Variants in GREM2 observed in about 807,000 individuals in gnomAD.
GREM2 encodes gremlin-2.
Under a neutral mutation model 14.2 loss-of-function variants are expected in GREM2, and 11 were observed. The observed-to-expected ratio is 0.78, with a 90% CI of 0.49 to 1.28. The LOEUF is 1.28. Among genes scored for constraint, GREM2 ranks in the 50% most tolerant of loss-of-function variants. GREM2 has a pLI of 0.00. For synonymous variants in GREM2, 98 were observed against 97.6 expected (o/e 1.00, Z -0.02); for missense variants, 210 against 218.5 (o/e 0.96, Z 0.24).
At chr1:240,529,948 G>A (rs546917345) in intron 1 of GREM2, among the ~76,000 whole-genome samples, 1 of 152,062 alleles carries the variant, frequency 6.6e-6, no homozygotes, top group Non-Finnish European at 1.5e-5. Context: ...TTGGGACACC[G>A]GTTATCCTGA....
chr1:240,526,958 T>C (rs1379091621), intron 1 of GREM2, among the ~76,000 whole-genome samples: 3 of 152,182 alleles, frequency 2.0e-5, no homozygotes, highest in Non-Finnish European at 4.4e-5. Flanking sequence ...TTAACCCTAT[T>C]AGCTGATGTT....
chr1:240,593,612 T>C (rs1022207296), intron 1 of GREM2, among the ~76,000 whole-genome samples: 1 of 152,218 alleles, frequency 6.6e-6, no homozygotes, highest in Non-Finnish European at 1.5e-5. Context: ...AGTTGGTTAG[T>C]ACCATTACTG....
intron 1 of GREM2, among the ~76,000 whole-genome samples, chr1:240,518,015 G>A (rs535716320): frequency 2.2e-4 from 33 of 152,260 alleles, no homozygotes; most frequent in African/African-American, 7.2e-4. Context: ...TAGACCCACT[G>A]CCTAATCCCC....
rs1421802195 is a variant in GREM2, at chr1:240,491,602, G to A, written c.*1367C>T. On this transcript the variant is annotated 3_prime_UTR_variant, in exon 2 of 2. Transcript: ENST00000318160. The stretch of plus-strand genomic sequence containing the variant: ...CCTTTTGAAGTCTATTCTTTGAAAA[G>A]GAAGCATGTTTTGTGCAGAACAGTT... 6.6e-6 allele frequency: 1 copy of A among 152,550 alleles called. No individual in the cohort carries two copies. The highest frequency in any genetic ancestry group is 2.4e-5 in the African/African-American group (1 of 41,416). The allele number at this position is 152,550 out of a possible 1,614,324, so 9.4% of individuals were successfully genotyped here.
At chr1:240,553,218 C>T (rs1678890813) in intron 1 of GREM2, among the ~76,000 whole-genome samples, 1 of 152,156 alleles carries the variant, frequency 6.6e-6, no homozygotes, top group African/African-American at 2.4e-5. Flanking sequence ...AGAGCGTTAG[C>T]ATGAGCAGAA....
At chr1:240,504,589 C>T (rs951617) in intron 1 of GREM2, among the ~76,000 whole-genome samples, 59,638 of 151,876 alleles carry the variant, frequency 0.39, 12,259 homozygotes, top group African/African-American at 0.51. Flanking sequence ...TGTGGTATAT[C>T]GCCTAAAGTA....
At chr1:240,519,277 T>G (rs1317504819) in intron 1 of GREM2, among the ~76,000 whole-genome samples, 1 of 152,180 alleles carries the variant, frequency 6.6e-6, no homozygotes, top group Admixed American at 6.5e-5. Flanking sequence ...ATGATATAGG[T>G]AGCTCCTTGC....
rs1487601250 is a variant in GREM2, at chr1:240,521,412, C to CA, written c.-1-27937dup. Among the ~76,000 whole-genome samples, 29 of 151,534 alleles carry CA rather than the reference C, an allele frequency of 1.9e-4. 2 individuals carry two copies. The highest frequency in any genetic ancestry group is 4.2e-4 in the South Asian group (2 of 4,808). On this transcript the variant is annotated intron_variant, in intron 1 of 1. Coordinates refer to ENST00000318160, the MANE Select transcript of GREM2 (RefSeq NM_022469.4). ...TGAAACCCCGTCTCTACTAAAAATACAAAAAACAATTAGCCGGGCATGGTG... is the reference window on the plus strand; with the variant it reads ...TGAAACCCCGTCTCTACTAAAAATACAAAAAAACAATTAGCCGGGCATGGTG...
intron 1 of GREM2, among the ~76,000 whole-genome samples, chr1:240,584,494 C>CAA (rs35785335): frequency 1.5e-4 from 11 of 73,758 alleles, no homozygotes; most frequent in Admixed American, 3.1e-4. Context: ...GACTCCATCT[C>CAA]AAAAAAAAAA....
chr1:240,538,292 G>A (rs769942293), intron 1 of GREM2, among the ~76,000 whole-genome samples: 3 of 152,050 alleles, frequency 2.0e-5, no homozygotes, highest in Non-Finnish European at 2.9e-5. Context: ...TAGCTCCTTC[G>A]TGATTGATTG....
intron 1 of GREM2, among the ~76,000 whole-genome samples, chr1:240,552,332 G>A (rs1172289894): frequency 6.6e-6 from 1 of 152,200 alleles, no homozygotes; most frequent in Non-Finnish European, 1.5e-5. Context: ...TGTAATCCCA[G>A]TGCTTTGGGA....
At chr1:240,565,148 C>A (rs1417891276) in intron 1 of GREM2, among the ~76,000 whole-genome samples, 1 of 152,012 alleles carries the variant, frequency 6.6e-6, no homozygotes, top group Non-Finnish European at 1.5e-5. Context: ...ATAGGGGATA[C>A]CTTATTGTTG....
intron 1 of GREM2, among the ~76,000 whole-genome samples, chr1:240,589,891 A>G (rs1442130586): frequency 1.3e-5 from 2 of 152,160 alleles, no homozygotes; most frequent in African/African-American, 4.8e-5. Context: ...CTGGGTCTGG[A>G]CGGATGGGTA....
At chr1:240,530,810 A>T (rs1678338725) in intron 1 of GREM2, 1 of 152,236 alleles carries the variant, frequency 6.6e-6, no homozygotes, top group Non-Finnish European at 1.5e-5. Context: ...CCTTGAATCT[A>T]AAGGACAAAA....
rs1215666249 is a variant in GREM2, at chr1:240,491,366, CCCA to C, written c.*1600_*1602del. The C allele has an allele frequency of 6.6e-6, 1 of 152,574 alleles. No homozygotes were observed. Among genetic ancestry groups the C allele is most frequent in the African/African-American group, 2.4e-5 (1 of 41,412 alleles). The allele number at this position is 152,574 out of a possible 1,614,324, so 9.5% of individuals were successfully genotyped here. On this transcript the variant is annotated 3_prime_UTR_variant, in exon 2 of 2. Coordinates refer to ENST00000318160, the MANE Select transcript of GREM2 (RefSeq NM_022469.4). ...GAAAGGTTTTCAAAGTTTACTGATT[CCCA>C]CCAATGGCAGCTCATTCACATTTGT...
chr1:240,567,082 T>C (rs1248455869), intron 1 of GREM2, among the ~76,000 whole-genome samples: 2 of 152,148 alleles, frequency 1.3e-5, no homozygotes, highest in African/African-American at 4.8e-5. Context: ...ATAGGATTAA[T>C]AAAATTATGT....
intron 1 of GREM2, among the ~76,000 whole-genome samples, chr1:240,601,912 C>CAA (rs58182251): frequency 3.1e-5 from 3 of 96,380 alleles, no homozygotes; most frequent in Admixed American, 2.3e-4. Context: ...GAATCCATCT[C>CAA]AAAAAAAAAA....
intron 1 of GREM2, among the ~76,000 whole-genome samples, chr1:240,589,975 G>A (rs972257962): frequency 2.0e-5 from 3 of 152,274 alleles, no homozygotes; most frequent in South Asian, 2.1e-4. Flanking sequence ...AATGCAGTAC[G>A]TGTTCAAGTG....
intron 1 of GREM2, among the ~76,000 whole-genome samples, chr1:240,551,637 CT>C (rs74486901): frequency 0.012 from 1,824 of 146,578 alleles, 25 homozygotes; most frequent in African/African-American, 0.033. Context: ...GTCTAGTTTA[CT>C]TTTTTTTTTT....
Sources: gnomAD v4.1 joint callset for allele counts (sites outside exome capture counted in the v4.1 genomes callset) on GRCh38, gnomAD v4.1.1 for gene constraint, MANE v1.5 for transcripts, NCBI Gene and HGNC (gene_info 2026-07-23, HGNC 2026-07-21) for gene names.